The following PARD3 variants were observed in gnomAD, a reference collection of about 807,000 sequenced individuals.
PARD3 encodes the protein par-3 family cell polarity regulator.
Under a neutral mutation model 155.4 loss-of-function variants are expected in PARD3, and 75 were observed. The observed-to-expected ratio is 0.48, with a 90% CI of 0.40 to 0.58. The LOEUF (loss-of-function observed/expected upper bound fraction) is 0.58, where lower values mean the gene tolerates loss of function less well. Ranked by LOEUF, PARD3 falls within the 20% of genes least tolerant of loss-of-function variation. PARD3 has a pLI of 0.00. For missense variants in PARD3, 1,642 were observed against 1,721.7 expected (o/e 0.95, Z 0.82); for synonymous variants, 576 against 610.5 (o/e 0.94, Z 0.83).
At chr10:34,456,886 A>T (rs2077369307) in intron 4 of PARD3, among the ~76,000 whole-genome samples, 1 of 152,192 alleles carries the variant, frequency 6.6e-6, no homozygotes, top group Non-Finnish European at 1.5e-5. Flanking sequence ...AGATAATAAA[A>T]TTCATTTAAT....
At chr10:34,312,882 A>G (rs1228809514) in intron 20 of PARD3, among the ~76,000 whole-genome samples, 4 of 152,220 alleles carry the variant, frequency 2.6e-5, no homozygotes, top group Non-Finnish European at 5.9e-5. Flanking sequence ...CAGCAAAGCA[A>G]TATCAAATTA....
At chr10:34,335,732 T>A (rs1468075698) in intron 18 of PARD3, among the ~76,000 whole-genome samples, 2 of 152,082 alleles carry the variant, frequency 1.3e-5, no homozygotes, top group Non-Finnish European at 2.9e-5. Flanking sequence ...GAATGACTAA[T>A]GATAGCAATA....
intron 1 of PARD3, among the ~76,000 whole-genome samples, chr10:34,722,625 G>A (rs1395023546): frequency 6.6e-6 from 1 of 152,128 alleles, no homozygotes; most frequent in African/African-American, 2.4e-5. Context: ...CACACTTCCT[G>A]CGCACACTTG....
intron 22 of PARD3, among the ~76,000 whole-genome samples, chr10:34,159,534 A>G (rs1949172600): frequency 6.6e-6 from 1 of 152,262 alleles, no homozygotes; most frequent in Admixed American, 6.5e-5. Context: ...GGGAGATAGG[A>G]TAATCTGAAT....
intron 5 of PARD3, among the ~76,000 whole-genome samples, chr10:34,448,163 G>GTA (rs1554860438): frequency 1.9e-4 from 29 of 149,756 alleles, no homozygotes; most frequent in African/African-American, 6.7e-4. Context: ...GTGTGTGTGT[G>GTA]TACACATAAA....
intron 3 of PARD3, among the ~76,000 whole-genome samples, chr10:34,482,237 G>A (rs903309680): frequency 2.0e-5 from 3 of 151,354 alleles, no homozygotes; most frequent in South Asian, 2.1e-4. Context: ...GTCTCACTTC[G>A]TTGTCTAAGC....
intron 22 of PARD3, among the ~76,000 whole-genome samples, chr10:34,235,891 ATT>A (rs1953201885): frequency 6.6e-6 from 1 of 152,226 alleles, no homozygotes; most frequent in Non-Finnish European, 1.5e-5. Flanking sequence ...CAAACATGGT[ATT>A]TCTCTCTAAA....
At chr10:34,543,122 G>GA (rs1038737927) in intron 2 of PARD3, among the ~76,000 whole-genome samples, 2 of 150,768 alleles carry the variant, frequency 1.3e-5, no homozygotes, top group South Asian at 4.2e-4. Context: ...CAATTTAGGG[G>GA]AAAAAAAAGC....
At chr10:34,545,412 C>G (rs1352230679) in intron 2 of PARD3, among the ~76,000 whole-genome samples, 4 of 152,148 alleles carry the variant, frequency 2.6e-5, no homozygotes, top group African/African-American at 7.2e-5. Context: ...AAGCACTTGT[C>G]AACAGATATA....
At chr10:34,482,491 C>A (rs2079148722) in intron 3 of PARD3, among the ~76,000 whole-genome samples, 1 of 152,088 alleles carries the variant, frequency 6.6e-6, no homozygotes, top group African/African-American at 2.4e-5. Flanking sequence ...CAAAAAGGAA[C>A]AAATCCTCTA....
intron 5 of PARD3, among the ~76,000 whole-genome samples, chr10:34,424,604 T>C (rs2075492602): frequency 6.6e-6 from 1 of 152,108 alleles, no homozygotes; most frequent in South Asian, 2.1e-4. Flanking sequence ...AACCTCTGTC[T>C]CCCGGGTTCA....
chr10:34,353,328 T>C (rs1299441847), intron 14 of PARD3, among the ~76,000 whole-genome samples: 1 of 152,208 alleles, frequency 6.6e-6, no homozygotes. Context: ...TGTGTCTGTG[T>C]AGAAAGAAGT....
At chr10:34,484,059 G>A (rs1049988477) in intron 3 of PARD3, among the ~76,000 whole-genome samples, 3 of 152,242 alleles carry the variant, frequency 2.0e-5, no homozygotes, top group African/African-American at 4.8e-5. Context: ...ATGCTTGGGC[G>A]CCATTTTAAC....
rs147394987 is a variant in PARD3, at chr10:34,698,067, T to C, written c.121-1648A>G. On this transcript the variant is annotated intron_variant, in intron 1 of 24. Transcript: ENST00000374788. ...AGAATAGCCACATCCTGCCCACCTC[T>C]TCCCACCAAGCAAGCTCAAGGGTGA... Among the ~76,000 whole-genome samples, 53 of 152,170 alleles carry C rather than the reference T, an allele frequency of 3.5e-4. 2 individuals are homozygous for C. In the East Asian group the frequency reaches 9.1e-3, roughly 26 times the overall value.
chr10:34,125,071 C>CTTTTTTTTTTTTTTTTTT (rs71523316), intron 23 of PARD3, among the ~76,000 whole-genome samples: 24 of 140,626 alleles, frequency 1.7e-4, no homozygotes, highest in African/African-American at 6.7e-4. Context: ...CTATTTCTTT[C>CTTTTTTTTTTTTTTTTTT]TTTTTTTTTT....
intron 7 of PARD3, among the ~76,000 whole-genome samples, chr10:34,396,535 T>C (rs899337457): frequency 2.6e-5 from 4 of 152,198 alleles, no homozygotes; most frequent in Admixed American, 6.5e-5. Flanking sequence ...AAATATACAA[T>C]TGGTATTCTG....
chr10:34,427,576 G>A (rs532155054), intron 5 of PARD3, among the ~76,000 whole-genome samples: 12 of 152,180 alleles, frequency 7.9e-5, no homozygotes, highest in South Asian at 2.1e-4. Flanking sequence ...TTGTGACCTC[G>A]CCCTGACCTC....
chr10:34,424,495 C>T (rs1157225122), intron 5 of PARD3, among the ~76,000 whole-genome samples: 1 of 151,954 alleles, frequency 6.6e-6, no homozygotes, highest in Non-Finnish European at 1.5e-5. Context: ...AATCAAGATT[C>T]TAACTTTACA....
chr10:34,197,673 G>C (rs931142055), intron 22 of PARD3, among the ~76,000 whole-genome samples: 8 of 152,184 alleles, frequency 5.3e-5, no homozygotes, highest in Admixed American at 2.0e-4. Context: ...TTCTTCGTTT[G>C]AATTCTCCAC....
Sources: gnomAD v4.1 joint callset for allele counts (sites outside exome capture counted in the v4.1 genomes callset) on GRCh38, gnomAD v4.1.1 for gene constraint, MANE v1.5 for transcripts, NCBI Gene and HGNC (gene_info 2026-07-23, HGNC 2026-07-21) for gene names.